ADCY2: variants seen among roughly 807,000 people sequenced by gnomAD.
ADCY2 encodes adenylate cyclase type 2.
In ADCY2, 31 loss-of-function variants were observed where a neutral mutation model predicts 125.2. The observed-to-expected ratio is 0.25, with a 90% CI of 0.19 to 0.33. The LOEUF (loss-of-function observed/expected upper bound fraction) is 0.33, where lower values mean the gene tolerates loss of function less well. Among genes scored for constraint, ADCY2 ranks in the 10% least tolerant of loss-of-function variants. The pLI is 1.00. For synonymous variants in ADCY2, 512 were observed against 548.4 expected, an observed-to-expected ratio of 0.93 and a Z score of 0.93; for missense variants, 904 against 1,418.2, an observed-to-expected ratio of 0.64 and a Z score of 5.82.
At chr5:7,774,380 A>T (rs1045939500) in intron 18 of ADCY2, among the ~76,000 whole-genome samples, 1 of 152,244 alleles carries the variant, frequency 6.6e-6, no homozygotes, top group African/African-American at 2.4e-5. Context: ...CCAACTAAAC[A>T]TGCTTTACTA....
intron 2 of ADCY2, among the ~76,000 whole-genome samples, chr5:7,487,505 G>A (rs149810500): frequency 4.6e-5 from 7 of 152,174 alleles, no homozygotes; most frequent in African/African-American, 1.2e-4. Context: ...AGGCAGAAGC[G>A]ATCTCTCCTT....
intron 6 of ADCY2, among the ~76,000 whole-genome samples, chr5:7,696,953 C>A (rs934338207): frequency 1.3e-5 from 2 of 152,098 alleles, no homozygotes; most frequent in African/African-American, 4.8e-5. Flanking sequence ...TTAAATGATG[C>A]CTTAAAAGTT....
chr5:7,663,370 A>G (rs1284811430), intron 4 of ADCY2, among the ~76,000 whole-genome samples: 1 of 152,218 alleles, frequency 6.6e-6, no homozygotes, highest in Non-Finnish European at 1.5e-5. Flanking sequence ...CGTGAGAGTC[A>G]CCCCATGTCT....
chr5:7,735,618 T>C (rs1305707989), intron 14 of ADCY2, among the ~76,000 whole-genome samples: 1 of 152,246 alleles, frequency 6.6e-6, no homozygotes, highest in East Asian at 1.9e-4. Context: ...ATGTGACCTA[T>C]TAATAGGTTG....
In ADCY2 at chr5:7,563,485, T is replaced by C. The variant is rs547926968; in HGVS notation, c.570+42586T>C. Among the ~76,000 whole-genome samples, 646 of 151,458 alleles carry C rather than the reference T, an allele frequency of 4.3e-3. 1 individual carries two copies. The highest frequency in any genetic ancestry group is 4.8e-3 in the Non-Finnish European group (325 of 67,976). On this transcript the variant is annotated intron_variant, in intron 3 of 24. Transcript: ENST00000338316. ...CACTCGTTTTTTTGGAATCACTTGC[T>C]TCATTCTTAAGATCAAAATGTGCAG...
chr5:7,784,819 T>A (rs564763624), intron 19 of ADCY2, among the ~76,000 whole-genome samples: 1 of 152,288 alleles, frequency 6.6e-6, no homozygotes, highest in South Asian at 2.1e-4. Flanking sequence ...TCATTTGCAT[T>A]TCAGAATATG....
intron 4 of ADCY2, among the ~76,000 whole-genome samples, chr5:7,688,360 C>A (rs927063305): frequency 2.6e-5 from 4 of 151,986 alleles, no homozygotes; most frequent in African/African-American, 9.7e-5. Flanking sequence ...CTCTGCCTCC[C>A]AGATTCAAGT....
intron 24 of ADCY2, among the ~76,000 whole-genome samples, chr5:7,821,737 C>T (rs373864420): frequency 9.2e-5 from 14 of 152,172 alleles, no homozygotes; most frequent in Admixed American, 5.9e-4. Flanking sequence ...GATTTTCAGA[C>T]GACAGGCTGT....
intron 4 of ADCY2, among the ~76,000 whole-genome samples, chr5:7,637,950 A>G (rs1344081847): frequency 6.6e-6 from 1 of 152,142 alleles, no homozygotes; most frequent in African/African-American, 2.4e-5. Flanking sequence ...CTTCTCCTCC[A>G]GGTAAACATC....
At chr5:7,505,021 G>A (rs1579513069) in intron 2 of ADCY2, among the ~76,000 whole-genome samples, 1 of 151,658 alleles carries the variant, frequency 6.6e-6, no homozygotes, top group African/African-American at 2.4e-5. Context: ...GGGACCACAG[G>A]CGCACACCAC....
intron 4 of ADCY2, among the ~76,000 whole-genome samples, chr5:7,654,604 G>A (rs181784174): frequency 6.6e-6 from 1 of 152,222 alleles, no homozygotes; most frequent in Non-Finnish European, 1.5e-5. Context: ...TCTTTTATTA[G>A]AGTTATATGT....
chr5:7,649,155 A>G (rs1270267986), intron 4 of ADCY2, among the ~76,000 whole-genome samples: 1 of 152,232 alleles, frequency 6.6e-6, no homozygotes, highest in African/African-American at 2.4e-5. Context: ...TTGGGTAACA[A>G]CTGAGTAAAA....
chr5:7,473,559 C>A (rs915717235), intron 2 of ADCY2, among the ~76,000 whole-genome samples: 2 of 152,130 alleles, frequency 1.3e-5, no homozygotes, highest in Admixed American at 6.5e-5. Flanking sequence ...TTGGAGGGGA[C>A]AAATATCCAA....
Position 7,826,841 on chromosome 5 carries a change from G to T in ADCY2, c.3246G>T (p.Arg1082Ser), listed in dbSNP as rs1177911590. Residue 1082 changes from arginine to serine, a missense_variant, in exon 25 of 25, where the codon AGG becomes AGT. Arg to Ser is a moderately radical substitution (Grantham distance 110, BLOSUM62 -1). Around this residue, in one of 7 missense-constraint regions of ADCY2, gnomAD observed 181 missense variants for 381.6 expected, o/e 0.47. Coordinates refer to ENST00000338316, the MANE Select transcript of ADCY2 (RefSeq NM_020546.3). ...KTYFVNTEMSRSLSQSNVAS is the reference protein window; with the variant it reads ...KTYFVNTEMSSSLSQSNVAS ...ACTTTGTAAACACAGAAATGTCAAG[G>T]TCCCTTTCCCAGAGCAACGTGGCAT... 3 of 1,612,552 alleles carry T rather than the reference G, an allele frequency of 1.9e-6. No individual in the cohort carries two copies. In the South Asian group the frequency reaches 3.3e-5, roughly 18 times the overall value.
chr5:7,679,156 G>T (rs1740234760), intron 4 of ADCY2, among the ~76,000 whole-genome samples: 1 of 152,182 alleles, frequency 6.6e-6, no homozygotes, highest in Non-Finnish European at 1.5e-5. Context: ...AGCTGTGGGT[G>T]GGGAGGGCAT....
chr5:7,609,655 A>G (rs193257465), intron 3 of ADCY2, among the ~76,000 whole-genome samples: 4 of 152,346 alleles, frequency 2.6e-5, no homozygotes, highest in Non-Finnish European at 5.9e-5. Context: ...GCAGAACATG[A>G]AAGACAGACA....
At chr5:7,418,483 G>T (rs929207472) in intron 2 of ADCY2, among the ~76,000 whole-genome samples, 3 of 152,036 alleles carry the variant, frequency 2.0e-5, no homozygotes, top group Admixed American at 6.6e-5. Flanking sequence ...AGGAGCATTG[G>T]CAGGGTGTGT....
At chr5:7,668,536 G>T (rs1432215916) in intron 4 of ADCY2, among the ~76,000 whole-genome samples, 1 of 152,204 alleles carries the variant, frequency 6.6e-6, no homozygotes, top group African/African-American at 2.4e-5. Flanking sequence ...CTAGAAATCA[G>T]AAGAATAACA....
At chr5:7,511,787 AG>A (rs1744070794) in intron 2 of ADCY2, among the ~76,000 whole-genome samples, 1 of 152,006 alleles carries the variant, frequency 6.6e-6, no homozygotes, top group Admixed American at 6.5e-5. Flanking sequence ...GACCAGCAGG[AG>A]GGCCGGTGTA....
Sources: gnomAD v4.1 joint callset for allele counts (sites outside exome capture counted in the v4.1 genomes callset) on GRCh38, gnomAD v4.1.1 for gene constraint, gnomAD v4.1.1 regional missense constraint, MANE v1.5 for transcripts, NCBI Gene and HGNC (gene_info 2026-07-23, HGNC 2026-07-21) for gene names.